Variants in MIB1 observed in about 807,000 individuals in gnomAD.
MIB1 encodes MIB E3 ubiquitin protein ligase 1.
MIB1 carries 278 observed loss-of-function variants against 124.5 expected under a neutral mutation model. The observed-to-expected ratio is 2.23, with a 90% CI of 2.02 to 2.47. MIB1 has a LOEUF of 2.47. Ranked by LOEUF, MIB1 falls within the 30% of genes most tolerant of loss-of-function variation. The pLI is 0.00. For synonymous variants in MIB1, 446 were observed against 429.4 expected (o/e 1.04, Z -0.48); for missense variants, 957 against 1,254.4 (o/e 0.76, Z 3.58).
intron 6 of MIB1, among the ~76,000 whole-genome samples, chr18:21,782,744 G>C (rs2041385005): frequency 6.6e-6 from 1 of 152,122 alleles, no homozygotes; most frequent in African/African-American, 2.4e-5. Flanking sequence ...GTATTCTATG[G>C]CAGTTGGATG....
At chr18:21,791,314 G>T (rs901578314) in intron 6 of MIB1, 60 bp from the exon 7 acceptor site, 1 of 1,401,886 alleles carries the variant, frequency 7.1e-7, no homozygotes, top group East Asian at 2.3e-5. Context: ...CACTGTTTAA[G>T]AATTTTGTAT....
chr18:21,713,186 C>A (rs1568174088), intron 1 of MIB1, among the ~76,000 whole-genome samples: 1 of 152,036 alleles, frequency 6.6e-6, no homozygotes, highest in Non-Finnish European at 1.5e-5. Flanking sequence ...CCTGACTGGT[C>A]TTGAACTCCT....
intron 20 of MIB1, among the ~76,000 whole-genome samples, chr18:21,859,247 A>C (rs776750440): frequency 2.6e-5 from 4 of 151,918 alleles, no homozygotes; most frequent in Non-Finnish European, 5.9e-5. Context: ...GCAACTCTAC[A>C]AATAAGAAAT....
At chr18:21,756,923 A>G (rs1184368361) in intron 1 of MIB1, among the ~76,000 whole-genome samples, 3 of 152,200 alleles carry the variant, frequency 2.0e-5, no homozygotes, top group Admixed American at 6.5e-5. Flanking sequence ...CATTATGCAT[A>G]CTTGTAATAG....
chr18:21,848,862 T>A (rs990019172), intron 16 of MIB1, among the ~76,000 whole-genome samples: 1 of 152,288 alleles, frequency 6.6e-6, no homozygotes, highest in South Asian at 2.1e-4. Context: ...CCTCTGCTGG[T>A]TCTATATAGA....
At chr18:21,849,174 T>C in intron 16 of MIB1, 22 bp from the exon 17 acceptor site, 1 of 1,447,306 alleles carries the variant, frequency 6.9e-7, no homozygotes. Flanking sequence ...TAGGCTTGAT[T>C]TGAAATACTT....
At chr18:21,765,358 T>G (rs531948819) in intron 1 of MIB1, among the ~76,000 whole-genome samples, 19 of 152,334 alleles carry the variant, frequency 1.2e-4, no homozygotes, top group African/African-American at 3.8e-4. Context: ...CATGATATCA[T>G]GAAGGCAAAA....
intron 7 of MIB1, among the ~76,000 whole-genome samples, chr18:21,795,970 T>C (rs889605505): frequency 2.0e-5 from 3 of 152,154 alleles, no homozygotes; most frequent in African/African-American, 7.2e-5. Flanking sequence ...AGATATAATA[T>C]AGAGGAGGTG....
Position 21,798,138 on chromosome 18 carries a change from G to T in MIB1, c.1147G>T (p.Val383Leu). The T allele has an allele frequency of 6.2e-7, 1 of 1,613,300 alleles. No individual in the cohort carries two copies. Residue 383 changes from valine (V) to leucine (L), a missense_variant, in exon 8 of 21, where the codon GTG becomes TTG. Transcript: ENST00000261537. ...QQIYSDSDLK[V>L]EVCGTSWTYN... ...GATTTATTCAGACAGTGATTTAAAG[G>T]TGGAAGTTTGTGGAACATCTTGGAC... is the stretch of plus-strand genomic sequence containing the variant.
chr18:21,768,039 T>C (rs564707407), intron 2 of MIB1, among the ~76,000 whole-genome samples: 16 of 152,292 alleles, frequency 1.1e-4, no homozygotes, highest in African/African-American at 3.9e-4. Flanking sequence ...TGATGATGCT[T>C]TTGAGTCAAC....
intron 1 of MIB1, among the ~76,000 whole-genome samples, chr18:21,732,351 T>TACACACAC (rs59731612): frequency 0.024 from 3,360 of 141,002 alleles, 58 homozygotes; most frequent in East Asian, 0.054. Context: ...ATTATATGTA[T>TACACACAC]ACACACACAC....
chr18:21,778,037 C>CA, intron 4 of MIB1, 66 bp from the exon 5 acceptor site: 1 of 1,073,550 alleles, frequency 9.3e-7, no homozygotes, highest in Non-Finnish European at 1.4e-6. Flanking sequence ...ATATTCTTGC[C>CA]TGTTTCAGAT....
chr18:21,742,912 G>C (rs2040870237), intron 1 of MIB1, among the ~76,000 whole-genome samples: 1 of 152,136 alleles, frequency 6.6e-6, no homozygotes, highest in Non-Finnish European at 1.5e-5. Context: ...TCGTAAAATT[G>C]TGTTCCTTAG....
At chr18:21,856,145 G>T (rs976396932) in intron 18 of MIB1, among the ~76,000 whole-genome samples, 13 of 151,022 alleles carry the variant, frequency 8.6e-5, no homozygotes, top group Non-Finnish European at 1.8e-4. Flanking sequence ...CAGGAGAATG[G>T]CGTGAACCCG....
At chr18:21,814,043 G>A (rs1425487861) in intron 10 of MIB1, among the ~76,000 whole-genome samples, 1 of 152,092 alleles carries the variant, frequency 6.6e-6, no homozygotes, top group Non-Finnish European at 1.5e-5. Flanking sequence ...CTACCTTCAT[G>A]GCGCAGTGCA....
At chr18:21,803,437 A>G (rs190123979) in intron 9 of MIB1, among the ~76,000 whole-genome samples, 1 of 152,280 alleles carries the variant, frequency 6.6e-6, no homozygotes, top group Admixed American at 6.5e-5. Context: ...ACTTATTTAT[A>G]TATCCTTATT....
At chr18:21,756,209 T>G (rs1299017698) in intron 1 of MIB1, among the ~76,000 whole-genome samples, 2 of 152,192 alleles carry the variant, frequency 1.3e-5, no homozygotes, top group African/African-American at 2.4e-5. Context: ...TCTCGTTGTT[T>G]GTTAGGCTTC....
intron 1 of MIB1, among the ~76,000 whole-genome samples, chr18:21,722,789 T>G (rs2040721361): frequency 6.6e-6 from 1 of 152,178 alleles, no homozygotes; most frequent in Admixed American, 6.5e-5. Flanking sequence ...TATGGGTTTT[T>G]GGAAAGGATA....
chr18:21,794,916 C>T (rs139958907), intron 7 of MIB1, among the ~76,000 whole-genome samples: 425 of 149,558 alleles, frequency 2.8e-3, no homozygotes, highest in African/African-American at 9.6e-3. Context: ...TGAGTCCTTT[C>T]TAAGTAATTT....
Sources: allele counts gnomAD v4.1 joint callset (sites outside exome capture counted in the v4.1 genomes callset), GRCh38; gene constraint gnomAD v4.1.1; transcripts MANE v1.5; gene names NCBI Gene and HGNC (gene_info 2026-07-23, HGNC 2026-07-21).